DLGAP5: variants seen among roughly 807,000 people sequenced by gnomAD.
DLGAP5 encodes disks large-associated protein 5.
A neutral mutation model predicts 99.6 loss-of-function variants in DLGAP5; 90 were observed. The observed-to-expected ratio is 0.90, with a 90% confidence interval of 0.76 to 1.08. DLGAP5 has a LOEUF of 1.08. Ranked by LOEUF, DLGAP5 falls within the 50% of genes least tolerant of loss-of-function variation. The pLI is 0.00. For synonymous variants in DLGAP5, 311 were observed against 321.3 expected, an observed-to-expected ratio of 0.97 and a Z score of 0.34; for missense variants, 1,036 against 983.5, an observed-to-expected ratio of 1.05 and a Z score of -0.71.
chr14:55,152,714 T>A, intron 15 of DLGAP5, 67 bp from the exon 16 acceptor site: 1 of 1,364,462 alleles, frequency 7.3e-7, no homozygotes, highest in Non-Finnish European at 9.8e-7. Context: ...GTATTTTGAG[T>A]CTTTCCTTTA....
rs1255458092 is a variant in DLGAP5 at position 55,148,341 on chromosome 14, A to G, written c.*10T>C. 6.2e-7 allele frequency: 1 copy of G among 1,612,180 alleles called. No homozygotes were observed. The highest frequency in any genetic ancestry group is 1.1e-5 in the South Asian group (1 of 90,578). ...AATATGAAGGAAAATGTTTGGATTT[A>G]TTTTTAAATTCAAAATTCTCCTGGT... On this transcript the variant is annotated 3_prime_UTR_variant, in exon 19 of 19. Coordinates refer to ENST00000247191, the MANE Select transcript of DLGAP5 (RefSeq NM_014750.5).
Position 55,175,329 on chromosome 14 carries a change from G to A in DLGAP5, c.1301+17C>T. ...ATATTAATACAAAATTCTTACACTAGAAACACACAGACATACCTGAAATAT... is the reference window on the plus strand; with the variant it reads ...ATATTAATACAAAATTCTTACACTAAAAACACACAGACATACCTGAAATAT... On this transcript the variant is annotated intron_variant, in intron 10 of 18. Coordinates refer to ENST00000247191, the MANE Select transcript of DLGAP5 (RefSeq NM_014750.5). The A allele has an allele frequency of 1.9e-6, 3 of 1,598,844 alleles. No individual in the cohort carries two copies. The highest frequency in any genetic ancestry group is 8.5e-7 in the Non-Finnish European group (1 of 1,175,388).
rs185928342 is a variant in DLGAP5 at position 55,188,641 on chromosome 14, G to A, written c.238+301C>T. Among the ~76,000 whole-genome samples, 307 of 151,976 alleles carry A rather than the reference G, an allele frequency of 2.0e-3. 2 individuals carry two copies. Among genetic ancestry groups the A allele is most frequent in the African/African-American group, 7.0e-3 (292 of 41,478 alleles). On this transcript the variant is annotated intron_variant, in intron 2 of 18. Transcript: ENST00000247191. Reference sequence around the variant, plus strand: ...AACAGGTTATTAAGGGGCCAGGCGCGGTGGCTCACACCTGTAATCCCCACA... The same window carrying A: ...AACAGGTTATTAAGGGGCCAGGCGCAGTGGCTCACACCTGTAATCCCCACA...
At chr14:55,166,630 G>A (rs1882651710) in intron 12 of DLGAP5, among the ~76,000 whole-genome samples, 1 of 152,034 alleles carries the variant, frequency 6.6e-6, no homozygotes, top group Admixed American at 6.6e-5. Flanking sequence ...TTGGGAGACT[G>A]AGGCAGGAGA....
intron 10 of DLGAP5, among the ~76,000 whole-genome samples, chr14:55,171,223 T>C (rs768030725): frequency 3.3e-5 from 5 of 152,166 alleles, no homozygotes; most frequent in African/African-American, 4.8e-5. Context: ...ATCCTAATTA[T>C]TAGGCTTTGC....
At chr14:55,156,712 C>T (rs1390487706) in intron 14 of DLGAP5, among the ~76,000 whole-genome samples, 2 of 151,428 alleles carry the variant, frequency 1.3e-5, no homozygotes, top group African/African-American at 4.9e-5. Context: ...GAGACAGAAA[C>T]CAAAAACAAC....
chr14:55,180,528 C>CA lies in DLGAP5; in HGVS notation c.703+127dup, dbSNP rs941949595. ...GATGTCAGGGCACAGAATCTATTTT[C>CA]AGGTATTAGAATTTCCTGTTTCCTT... On this transcript the variant is annotated intron_variant, in intron 6 of 18. Coordinates refer to ENST00000247191, the MANE Select transcript of DLGAP5 (RefSeq NM_014750.5). 3.8e-6 allele frequency: 5 copies of CA among 1,303,256 alleles called. No individual in the cohort carries two copies. The African/African-American group carries it at 7.4e-5, about 19-fold the overall frequency. The allele number at this position is 1,303,256 out of a possible 1,614,324, so 80.7% of individuals were successfully genotyped here.
intron 13 of DLGAP5, among the ~76,000 whole-genome samples, chr14:55,162,284 A>T (rs1882473021): frequency 6.6e-6 from 1 of 152,202 alleles, no homozygotes; most frequent in Non-Finnish European, 1.5e-5. Flanking sequence ...GTTACCTACT[A>T]CTATTACTAT....
At chr14:55,152,732 C>T in intron 15 of DLGAP5, 85 bp from the exon 16 acceptor site, 1 of 1,180,834 alleles carries the variant, frequency 8.5e-7, no homozygotes, top group Non-Finnish European at 1.2e-6. Context: ...TTAATGATGG[C>T]AATTAGTTTA....
intron 9 of DLGAP5, 96 bp downstream of exon 9, chr14:55,175,798 C>T (rs1176722910): frequency 2.7e-6 from 3 of 1,093,718 alleles, no homozygotes; most frequent in East Asian, 2.7e-5. Flanking sequence ...AAGTAATAAT[C>T]CAGAAAAGTA....
intron 8 of DLGAP5, among the ~76,000 whole-genome samples, chr14:55,176,843 T>C (rs376296131): frequency 6.6e-6 from 1 of 151,540 alleles, no homozygotes; most frequent in Admixed American, 6.6e-5. Flanking sequence ...CCGGGCGTGG[T>C]GACGGGCGCC....
intron 12 of DLGAP5, among the ~76,000 whole-genome samples, chr14:55,164,855 G>C (rs530436998): frequency 6.6e-6 from 1 of 151,044 alleles, no homozygotes; most frequent in South Asian, 2.1e-4. Flanking sequence ...CCGGAAGGCA[G>C]AGGCTGCAGT....
chr14:55,150,029 G>A, intron 18 of DLGAP5, among the ~76,000 whole-genome samples: 1 of 151,068 alleles, frequency 6.6e-6, no homozygotes, highest in South Asian at 2.1e-4. Context: ...CCCCAGCCTG[G>A]GTGCAAGAGT....
At chr14:55,165,345 C>T (rs1420421772) in intron 12 of DLGAP5, among the ~76,000 whole-genome samples, 1 of 151,964 alleles carries the variant, frequency 6.6e-6, no homozygotes, top group Non-Finnish European at 1.5e-5. Flanking sequence ...AACATGATGA[C>T]ACCCCACCTC....
At position 55,154,601 on chromosome 14, in the gene DLGAP5, C is replaced by T; in HGVS notation, c.2063+16G>A. On this transcript the variant is annotated intron_variant, in intron 15 of 18. Coordinates refer to ENST00000247191, the MANE Select transcript of DLGAP5 (RefSeq NM_014750.5). ...TCAGCAACTGTTAAACTCTTATTAA[C>T]ATGTTAAAGAAATACCTGCTTTCAG... 6.2e-7 allele frequency: 1 copy of T among 1,603,332 alleles called. No individual in the cohort carries two copies. Among genetic ancestry groups the T allele is most frequent in the Non-Finnish European group, 8.5e-7 (1 of 1,170,578 alleles).
At chr14:55,161,752 G>T (rs1882444792) in intron 13 of DLGAP5, among the ~76,000 whole-genome samples, 1 of 149,044 alleles carries the variant, frequency 6.7e-6, no homozygotes, top group African/African-American at 2.5e-5. Context: ...GCTCATGCCT[G>T]TAATCCCAGC....
Position 55,181,351 on chromosome 14 carries a change from C to G in DLGAP5, c.496-54G>C, listed in dbSNP as rs188059034. ...TTAATTGCATAATGAATCAGACCAT[C>G]ATATTTTTAATCTGTAAATTGATTC... On this transcript the variant is annotated intron_variant, in intron 4 of 18. Transcript: ENST00000247191. The G allele has an allele frequency of 1.4e-4, 194 of 1,433,866 alleles. 1 individual carries two copies. In the African/African-American group the frequency reaches 2.4e-3, roughly 18 times the overall value. The allele number at this position is 1,433,866 out of a possible 1,614,324, so 88.8% of individuals were successfully genotyped here. A position where few individuals can be genotyped will look rare whatever the true frequency, so the allele number is the denominator to read the frequency against.
chr14:55,163,839 C>A (rs1882533992), intron 12 of DLGAP5, among the ~76,000 whole-genome samples: 1 of 152,174 alleles, frequency 6.6e-6, no homozygotes, highest in Non-Finnish European at 1.5e-5. Flanking sequence ...GGTGAGGTAA[C>A]TGTTCAGGTC....
Position 55,183,727 on chromosome 14 carries a change from G to A in DLGAP5, c.265C>T (p.Gln89Ter), listed in dbSNP as rs1458494543. The A allele has an allele frequency of 3.1e-6, 5 of 1,601,670 alleles. No homozygotes were observed. The highest frequency in any genetic ancestry group is 4.3e-6 in the Non-Finnish European group (5 of 1,174,614). Residue 89 changes from glutamine to a stop codon, truncating the protein, a stop_gained, in exon 3 of 19, where the codon CAA becomes TAA. Coordinates refer to ENST00000247191, the MANE Select transcript of DLGAP5 (RefSeq NM_014750.5). LOFTEE classifies it high-confidence loss of function. ...PRAMKTILGD[Q>*]RKQMLQKYKE... is the part of the protein sequence containing the mutation. Reference sequence around the variant, plus strand: ...TATTTTTGGAGCATCTGTTTTCGTTGATCACCTAGAATAGTTTTCATTGCC... The same window carrying A: ...TATTTTTGGAGCATCTGTTTTCGTTAATCACCTAGAATAGTTTTCATTGCC...
Sources: gnomAD v4.1 joint callset for allele counts (sites outside exome capture counted in the v4.1 genomes callset) on GRCh38, gnomAD v4.1.1 for gene constraint, MANE v1.5 for transcripts, NCBI Gene and HGNC (gene_info 2026-07-23, HGNC 2026-07-21) for gene names.